HELZ: variants seen among roughly 807,000 people sequenced by gnomAD.
The protein encoded by HELZ is ATP-dependent RNA helicase with zinc finger domain.
HELZ carries 23 observed loss-of-function variants against 218.2 expected under a neutral mutation model. The observed-to-expected ratio is 0.11, with a 90% CI of 0.08 to 0.15. The LOEUF (loss-of-function observed/expected upper bound fraction) is 0.15. HELZ is among the 10% of genes least tolerant of loss of function. The probability of loss-of-function intolerance (pLI) is 1.00; values close to 1 mark genes in which losing one functional copy is unlikely to be tolerated. For synonymous variants in HELZ, 814 were observed against 829.4 expected, an observed-to-expected ratio of 0.98 and a Z score of 0.32; for missense variants, 1,813 against 2,353.7, an observed-to-expected ratio of 0.77 and a Z score of 4.75.
chr17:67,209,018 A>G, intron 5 of HELZ, among the ~76,000 whole-genome samples: 1 of 124,572 alleles, frequency 8.0e-6, no homozygotes, highest in African/African-American at 3.1e-5. Context: ...GAAGGAAGGA[A>G]GGAAGGAAGG....
chr17:67,122,983 G>A lies in HELZ; in HGVS notation c.3617C>T (p.Ser1206Leu), dbSNP rs1455667095. The A allele has an allele frequency of 3.1e-6, 5 of 1,609,268 alleles. No individual in the cohort carries two copies. Among genetic ancestry groups the A allele is most frequent in the South Asian group, 1.1e-5 (1 of 90,784 alleles). Reference sequence around the variant, plus strand: ...ATGTCCACTTACAGGTAAAGGCACCGACATAACTACATTCCCTCCATAGAC... The same window carrying A: ...ATGTCCACTTACAGGTAAAGGCACCAACATAACTACATTCCCTCCATAGAC... ...PAVYGGNVVM[S>L]VPLPVPWTGY... The change falls in exon 26 of 33, where the codon TCG becomes TTG. Residue 1206 changes from serine to leucine, a missense_variant. By Grantham distance (145) the Ser-to-Leu change is moderately radical. Coordinates refer to ENST00000358691, the MANE Select transcript of HELZ (RefSeq NM_014877.4).
intron 15 of HELZ, among the ~76,000 whole-genome samples, chr17:67,164,371 G>C (rs1360506998): frequency 6.6e-6 from 1 of 152,176 alleles, no homozygotes; most frequent in Non-Finnish European, 1.5e-5. Context: ...AATCTTAAAG[G>C]ATAGAGAGAT....
intron 32 of HELZ, among the ~76,000 whole-genome samples, chr17:67,084,847 G>A (rs1310340771): frequency 6.6e-6 from 1 of 151,810 alleles, no homozygotes; most frequent in Non-Finnish European, 1.5e-5. Flanking sequence ...AAAGTGACAA[G>A]GCAGGCTCAC....
Position 67,107,471 on chromosome 17 carries a change from G to C in HELZ, c.4939C>G (p.Pro1647Ala), listed in dbSNP as rs781157953. The C allele has an allele frequency of 3.7e-6, 6 of 1,614,170 alleles. No individual in the cohort carries two copies. Among genetic ancestry groups the C allele is most frequent in the Non-Finnish European group, 5.1e-6 (6 of 1,180,020 alleles). The part of the protein sequence containing the change: ...NSRDIEVASN[P>A]AFPQRLPPQI... ...GGTGGGAGGCGCTGTGGAAATGCTG[G>C]GTTGCTGGCTACTTCAATGTCTCTG... Residue 1647 changes from proline (P) to alanine (A), a missense_variant, in exon 31 of 33, where the codon CCA (proline) becomes GCA (alanine). Coordinates refer to ENST00000358691, the MANE Select transcript of HELZ (RefSeq NM_014877.4).
intron 3 of HELZ, among the ~76,000 whole-genome samples, chr17:67,235,967 A>C (rs375130047): frequency 4.4e-4 from 67 of 151,926 alleles, no homozygotes; most frequent in Non-Finnish European, 7.4e-4. Context: ...TCATCGTGTT[A>C]GCCAGGATGG....
chr17:67,234,149 C>A (rs2041115009), intron 3 of HELZ, among the ~76,000 whole-genome samples: 1 of 151,280 alleles, frequency 6.6e-6, no homozygotes, highest in South Asian at 2.1e-4. Context: ...GTGGGAGACC[C>A]CCATCTCTAC....
intron 15 of HELZ, among the ~76,000 whole-genome samples, chr17:67,164,870 G>C (rs2039096057): frequency 6.6e-6 from 1 of 152,164 alleles, no homozygotes; most frequent in Admixed American, 6.5e-5. Flanking sequence ...TCAGATTTGT[G>C]AGCAGTGAAA....
intron 28 of HELZ, among the ~76,000 whole-genome samples, chr17:67,111,244 A>G (rs966246142): frequency 2.6e-5 from 4 of 152,232 alleles, no homozygotes; most frequent in African/African-American, 9.6e-5. Context: ...TGATAACTAC[A>G]AAAAGTTTTT....
At chr17:67,173,399 C>T (rs2039366357) in intron 13 of HELZ, among the ~76,000 whole-genome samples, 1 of 152,026 alleles carries the variant, frequency 6.6e-6, no homozygotes, top group Admixed American at 6.6e-5. Flanking sequence ...TAAAATCATC[C>T]TTAAAGTTTA....
chr17:67,165,222 G>A (rs1035292701), intron 15 of HELZ, among the ~76,000 whole-genome samples: 2 of 152,170 alleles, frequency 1.3e-5, no homozygotes. Flanking sequence ...AAAGAACAGA[G>A]GGGACTGCAC....
intron 26 of HELZ, among the ~76,000 whole-genome samples, chr17:67,122,208 G>C (rs1380832049): frequency 2.6e-5 from 4 of 152,012 alleles, no homozygotes; most frequent in African/African-American, 9.7e-5. Context: ...TTTGAGACCA[G>C]CCTGACCAAC....
chr17:67,104,563 T>C (rs1487796867), intron 31 of HELZ, among the ~76,000 whole-genome samples: 2 of 151,582 alleles, frequency 1.3e-5, no homozygotes, highest in Non-Finnish European at 2.9e-5. Flanking sequence ...AATAGATAAA[T>C]TGTAGTTTAG....
intron 3 of HELZ, chr17:67,224,921 C>G (rs1199906710): frequency 1.4e-6 from 1 of 723,578 alleles, no homozygotes; most frequent in Non-Finnish European, 2.6e-6. Context: ...ACAAAGACGA[C>G]TGTGCTAAGA....
In HELZ at chr17:67,078,501, C is replaced by G; in HGVS notation, c.5580G>C (p.Leu1860=). ...EVSSSFNYSV[L]QHLGQFPPLM... is the part of the protein sequence containing the mutation. ...GGGGTGGAAACTGGCCAAGATGCTG[C>G]AGCACACTGTAGTTGAAGGAACTGG... is the stretch of plus-strand genomic sequence containing the variant. Residue 1860 remains leucine, a synonymous_variant, in exon 33 of 33, where the codon CTG becomes CTC. Coordinates refer to ENST00000358691, the MANE Select transcript of HELZ (RefSeq NM_014877.4). 1 of 1,554,896 alleles carries G rather than the reference C, an allele frequency of 6.4e-7. No individual in the cohort carries two copies. Among genetic ancestry groups the G allele is most frequent in the South Asian group, 1.2e-5 (1 of 81,010 alleles).
At chr17:67,146,757 C>T (rs1038018209) in intron 20 of HELZ, among the ~76,000 whole-genome samples, 10 of 152,160 alleles carry the variant, frequency 6.6e-5, no homozygotes, top group African/African-American at 2.4e-4. Context: ...TATCCAATTG[C>T]TTTCAGGGAA....
rs535757738 is a variant in HELZ, at chr17:67,218,212, A to G, written c.210+383T>C. Reference sequence around the variant, plus strand: ...CTCCCAAAGTGCTGGGATTACAGGTATGAGCCACCACGCCCAGCCGGTGTT... The same window carrying G: ...CTCCCAAAGTGCTGGGATTACAGGTGTGAGCCACCACGCCCAGCCGGTGTT... On this transcript the variant is annotated intron_variant, in intron 4 of 32. Transcript: ENST00000358691. Among the ~76,000 whole-genome samples the G allele has an allele frequency of 2.0e-5, 3 of 150,776 alleles. No homozygotes were observed. The South Asian group carries it at 6.3e-4, about 32-fold the overall frequency.
chr17:67,121,365 A>ACT (rs1237567851), intron 26 of HELZ, among the ~76,000 whole-genome samples: 1 of 152,240 alleles, frequency 6.6e-6, no homozygotes, highest in African/African-American at 2.4e-5. Context: ...ATCCTAAGGG[A>ACT]CTTACTATTT....
At chr17:67,227,256 G>A (rs1160632790) in intron 3 of HELZ, among the ~76,000 whole-genome samples, 1 of 150,524 alleles carries the variant, frequency 6.6e-6, no homozygotes, top group African/African-American at 2.5e-5. Context: ...GCAGTGGCGT[G>A]ACCTCAGCTC....
At chr17:67,174,528 G>C (rs964286480) in intron 13 of HELZ, among the ~76,000 whole-genome samples, 3 of 152,164 alleles carry the variant, frequency 2.0e-5, no homozygotes, top group African/African-American at 7.2e-5. Flanking sequence ...GCCAGGCATG[G>C]TAGCTCGCGC....
Sources: allele counts gnomAD v4.1 joint callset (sites outside exome capture counted in the v4.1 genomes callset), GRCh38; gene constraint gnomAD v4.1.1; transcripts MANE v1.5; gene names NCBI Gene and HGNC (gene_info 2026-07-23, HGNC 2026-07-21).